Variants in USP54 observed in about 807,000 individuals in gnomAD.
USP54 encodes ubiquitin carboxyl-terminal hydrolase 54.
In USP54, 87 loss-of-function variants were observed where a neutral mutation model predicts 170.5. That is an observed-to-expected ratio of 0.51 (90% CI 0.43 to 0.61). The LOEUF (loss-of-function observed/expected upper bound fraction) is 0.61. USP54 is among the 20% of genes least tolerant of loss of function. The pLI, the probability that USP54 is intolerant of heterozygous loss-of-function variation, is 0.00. For missense variants in USP54, 1,786 were observed against 2,047.8 expected (o/e 0.87, Z 2.47); for synonymous variants, 655 against 742.8 (o/e 0.88, Z 1.92).
At chr10:73,578,104 G>T (rs1001941519) in intron 1 of USP54, among the ~76,000 whole-genome samples, 2 of 152,126 alleles carry the variant, frequency 1.3e-5, no homozygotes, top group African/African-American at 2.4e-5. Flanking sequence ...GGAGAAAAAC[G>T]CAGTAGCAGA....
chr10:73,620,190 G>A (rs1228609688), intron 1 of USP54, among the ~76,000 whole-genome samples: 1 of 149,948 alleles, frequency 6.7e-6, no homozygotes, highest in Non-Finnish European at 1.5e-5. Context: ...GCGGGCGCCT[G>A]TAGTCCCAGC....
At chr10:73,621,426 C>G (rs1193800303) in intron 1 of USP54, among the ~76,000 whole-genome samples, 1 of 150,234 alleles carries the variant, frequency 6.7e-6, no homozygotes, top group Non-Finnish European at 1.5e-5. Flanking sequence ...ATAATGAAAC[C>G]CTGTCTCTAC....
intron 1 of USP54, among the ~76,000 whole-genome samples, chr10:73,601,812 C>T (rs1435033273): frequency 6.6e-6 from 1 of 152,198 alleles, no homozygotes; most frequent in Non-Finnish European, 1.5e-5. Context: ...CTAGCCACCT[C>T]ACACAGCCAC....
chr10:73,614,352 G>A (rs1192442580), intron 1 of USP54, among the ~76,000 whole-genome samples: 2 of 150,168 alleles, frequency 1.3e-5, no homozygotes, highest in Non-Finnish European at 2.9e-5. Flanking sequence ...TTGAGGTCAG[G>A]AGTTCGAGAC....
rs2081369801 is a variant in USP54 at position 73,624,491 on chromosome 10, A to G, written c.-18+1076T>C. The G allele has an allele frequency of 2.0e-5, 3 of 151,182 alleles. No homozygotes were observed. The South Asian group carries it at 6.3e-4, about 32-fold the overall frequency. The allele number at this position is 151,182 out of a possible 1,614,324, so 9.4% of individuals were successfully genotyped here. On this transcript the variant is annotated intron_variant, in intron 1 of 22. Transcript: ENST00000339859. ...CCAAAGTGCTGGAATTACAGGCGTG[A>G]GTCACCGCGCCCAGCCAAAAAGCCA... is the stretch of plus-strand genomic sequence containing the variant.
intron 3 of USP54, 87 bp downstream of exon 3, chr10:73,575,425 A>G: frequency 1.4e-6 from 2 of 1,394,962 alleles, no homozygotes; most frequent in South Asian, 1.8e-5. Context: ...AGAGACTATC[A>G]AACATTTTAT....
chr10:73,591,614 TC>T (rs940355703), upstream of USP54: 8 of 152,200 alleles, frequency 5.3e-5, no homozygotes, highest in African/African-American at 1.9e-4. Flanking sequence ...AAGGACGTTA[TC>T]ACAAACTTCA....
At position 73,502,592 on chromosome 10, in the gene USP54, C is replaced by A. The variant is rs145982110; in HGVS notation, c.4312-1754G>T. Among the ~76,000 whole-genome samples the A allele has an allele frequency of 6.5e-4, 99 of 152,330 alleles. 1 individual carries two copies. The East Asian group carries it at 8.3e-3, about 13-fold the overall frequency. On this transcript the variant is annotated intron_variant, in intron 22 of 23. Transcript: ENST00000687698. Reference sequence around the variant, plus strand: ...CCTCCCAAAGTGCTGGGATTACAGGCGTGAGCCACCGCGCCCGGCTATTCC... The same window carrying A: ...CCTCCCAAAGTGCTGGGATTACAGGAGTGAGCCACCGCGCCCGGCTATTCC...
rs1394229241 is a variant in USP54, at chr10:73,530,778, A to G, written c.1373T>C (p.Ile458Thr). The change falls in exon 13 of 24, where the codon ATA becomes ACA. Residue 458 changes from isoleucine to threonine, a missense_variant. Ile to Thr is a moderately conservative substitution (Grantham distance 89). Coordinates refer to ENST00000687698, the MANE Select transcript of USP54 (RefSeq NM_001391956.1). ...CCGACCAGAGCTCCTCTTGCGCTCT[A>G]TCAGTGACCCTTTCTTGGATGTGTG... ...QKHTSKKGSL[I>T]ERKRSSGRVR... 6.2e-7 allele frequency: 1 copy of G among 1,614,144 alleles called. No homozygotes were observed.
rs1280575494 is a variant in USP54, at chr10:73,500,697, C to T, written c.4453G>A (p.Val1485Ile). 6.2e-7 allele frequency: 1 copy of T among 1,606,702 alleles called. No individual in the cohort carries two copies. Among genetic ancestry groups the T allele is most frequent in the Admixed American group, 1.7e-5 (1 of 59,166 alleles). Residue 1485 changes from valine to isoleucine, a missense_variant, in exon 23 of 24, where the codon GTC (valine) becomes ATC (isoleucine). By Grantham distance (29) the Val-to-Ile change is conservative (BLOSUM62 3). Coordinates refer to ENST00000687698, the MANE Select transcript of USP54 (RefSeq NM_001391956.1). ...TCCCCTGCCATGGTGGGCATCAGGA[C>T]ATCTGGGGACAGGAACTGTGGTTGG... The part of the protein sequence containing the change: ...LPQPQFLSPD[V>I]LMPTMAGEPN...
intron 1 of USP54, 81 bp from the exon 2 acceptor site, chr10:73,576,442 G>A (rs1015107331): frequency 1.3e-5 from 2 of 148,422 alleles, no homozygotes; most frequent in Non-Finnish European, 3.0e-5. Flanking sequence ...CAAGATCAAC[G>A]TTGCCTCACT....
rs1003089245 is a variant in USP54, at chr10:73,564,923, AAG to A, written c.240+6496_240+6497del. ...TACCAAAAAAAAAAAAAAAAAAAAAAAGGAGTTGGGCATGGTGGCACACATCT... is the reference window on the plus strand; with the variant it reads ...TACCAAAAAAAAAAAAAAAAAAAAAAGAGTTGGGCATGGTGGCACACATCT... On this transcript the variant is annotated intron_variant, in intron 4 of 23. Transcript: ENST00000687698. Among the ~76,000 whole-genome samples, 17 of 151,170 alleles carry A rather than the reference AAG, an allele frequency of 1.1e-4. No individual in the cohort carries two copies. The East Asian group carries it at 3.1e-3, about 28-fold the overall frequency.
chr10:73,520,801 T>A, intron 18 of USP54, 107 bp downstream of exon 18: 1 of 1,499,436 alleles, frequency 6.7e-7, no homozygotes, highest in Non-Finnish European at 9.1e-7. Context: ...AGAGCAAGAG[T>A]GAGGAGACAC....
intron 22 of USP54, among the ~76,000 whole-genome samples, chr10:73,502,936 C>G (rs531811674): frequency 2.6e-5 from 4 of 152,072 alleles, no homozygotes; most frequent in Non-Finnish European, 5.9e-5. Context: ...CATTATCTAC[C>G]CATAAAACTT....
intron 12 of USP54, among the ~76,000 whole-genome samples, chr10:73,532,740 A>C (rs1296376168): frequency 3.3e-5 from 5 of 152,228 alleles, no homozygotes. Flanking sequence ...AAAGTATACC[A>C]TAGGAATAAA....
chr10:73,608,283 A>C (rs528792180), intron 1 of USP54, among the ~76,000 whole-genome samples: 1 of 152,176 alleles, frequency 6.6e-6, no homozygotes, highest in African/African-American at 2.4e-5. Context: ...ACAAAAAAAA[A>C]CAGTTATTCA....
intron 1 of USP54, among the ~76,000 whole-genome samples, chr10:73,589,849 G>A (rs961149716): frequency 6.6e-6 from 1 of 152,134 alleles, no homozygotes. Context: ...CTCTGTAGGG[G>A]CAGGAGGTGA....
intron 23 of USP54, 53 bp downstream of exon 23, chr10:73,500,602 C>A: frequency 6.6e-7 from 1 of 1,518,486 alleles, no homozygotes. Context: ...CCCTTGGAGG[C>A]CCCTGAAAAG....
At chr10:73,526,397 G>C (rs752620277) in intron 16 of USP54, among the ~76,000 whole-genome samples, 1 of 152,094 alleles carries the variant, frequency 6.6e-6, no homozygotes, top group African/African-American at 2.4e-5. Context: ...ACAGGTGCAC[G>C]CCGCTACGCT....
Sources: allele counts gnomAD v4.1 joint callset (sites outside exome capture counted in the v4.1 genomes callset), GRCh38; gene constraint gnomAD v4.1.1; transcripts MANE v1.5; gene names NCBI Gene and HGNC (gene_info 2026-07-23, HGNC 2026-07-21).